The following PIGN variants were observed in gnomAD, a reference collection of about 807,000 sequenced individuals.
PIGN encodes the protein GPI ethanolamine phosphate transferase 1.
PIGN carries 117 observed loss-of-function variants against 125.4 expected under a neutral mutation model. The ratio of observed to expected loss-of-function variants is 0.93; its 90% CI spans 0.80 to 1.09. PIGN has a LOEUF of 1.09. PIGN is among the 50% of genes least tolerant of loss of function. PIGN has a pLI of 0.00. For synonymous variants in PIGN, 392 were observed against 377.8 expected (o/e 1.04, Z -0.44); for missense variants, 1,075 against 1,094.9 (o/e 0.98, Z 0.26).
chr18:62,184,256 T>C (rs74665356), intron 1 of PIGN, among the ~76,000 whole-genome samples: 10,217 of 152,262 alleles, frequency 0.067, 408 homozygotes, highest in Middle Eastern at 0.15. Context: ...ACTAAAATGA[T>C]TGACGTGCTT....
chr18:62,048,982 T>C (rs867911635), intron 30 of PIGN, among the ~76,000 whole-genome samples: 8 of 152,084 alleles, frequency 5.3e-5, no homozygotes, highest in African/African-American at 1.2e-4. Context: ...GATAGTTTAC[T>C]GAGAATGATG....
At chr18:62,094,218 C>A (rs2034085039) in intron 23 of PIGN, among the ~76,000 whole-genome samples, 1 of 152,064 alleles carries the variant, frequency 6.6e-6, no homozygotes, top group Non-Finnish European at 1.5e-5. Flanking sequence ...TTCAATTATC[C>A]TTGCTTCTTT....
intron 23 of PIGN, among the ~76,000 whole-genome samples, chr18:62,092,950 C>CAATT (rs1568166612): frequency 6.6e-6 from 1 of 152,006 alleles, no homozygotes; most frequent in East Asian, 1.9e-4. Flanking sequence ...CTCACAGTAA[C>CAATT]TTAATTGTTT....
chr18:62,088,904 G>T, intron 24 of PIGN, 62 bp from the exon 25 acceptor site: 1 of 943,246 alleles, frequency 1.1e-6, no homozygotes, highest in Non-Finnish European at 1.7e-6. Context: ...TATATTTGAA[G>T]GCAAACTTAC....
Position 62,139,050 on chromosome 18 carries a change from T to C in PIGN, c.1049A>G (p.Asn350Ser). 3 of 1,605,974 alleles carry C rather than the reference T, an allele frequency of 1.9e-6. No individual in the cohort carries two copies. Among genetic ancestry groups the C allele is most frequent in the Middle Eastern group, 3.4e-4 (2 of 5,926 alleles). The part of the protein sequence containing the change: ...SVGILPVDYL[N>S]NTDLFKAESM... ...CTCTGCTTTGAAGAGATCAGTGTTG[T>C]TAAGATAATCCACAGGAAGGATTCC... The change falls in exon 13 of 31, where the codon AAC becomes AGC. Residue 350 changes from asparagine (N) to serine (S), a missense_variant. Coordinates refer to ENST00000640252, the MANE Select transcript of PIGN (RefSeq NM_176787.5).
rs565980411 is a variant in PIGN at position 62,111,584 on chromosome 18, G to A, written c.1434+1550C>T. On this transcript the variant is annotated intron_variant, in intron 16 of 30. Transcript: ENST00000640252. ...CCTGGTAAGGTGGTTGGTTATATGT[G>A]TACATCTCTTACCTACTTTATTAAA... Among the ~76,000 whole-genome samples, 30 of 152,264 alleles carry A rather than the reference G, an allele frequency of 2.0e-4. 1 individual carries two copies. The South Asian group carries it at 6.2e-3, about 32-fold the overall frequency.
intron 25 of PIGN, among the ~76,000 whole-genome samples, chr18:62,087,340 T>C (rs1025645901): frequency 3.3e-5 from 5 of 152,158 alleles, no homozygotes; most frequent in Admixed American, 2.6e-4. Flanking sequence ...TCAGGTAAAC[T>C]GAATAGATTT....
chr18:62,180,406 A>G (rs559970417), intron 1 of PIGN, among the ~76,000 whole-genome samples: 21 of 152,306 alleles, frequency 1.4e-4, no homozygotes, highest in Middle Eastern at 3.4e-3. Flanking sequence ...CTAATAAACA[A>G]AATTTTCAAC....
At position 62,105,236 on chromosome 18, in the gene PIGN, CT is replaced by C. The variant is rs1050573132; in HGVS notation, c.1859+306del. ...AATGTTTTTTCACATGAAACTAAAA[CT>C]TTTACTGATTCCTCCAAGCATAAAA... On this transcript the variant is annotated intron_variant, in intron 20 of 30. Transcript: ENST00000640252. 5 of 183,816 alleles carry C rather than the reference CT, an allele frequency of 2.7e-5. No homozygotes were observed. In the Admixed American group the frequency reaches 3.0e-4, roughly 11 times the overall value. The allele number at this position is 183,816 out of a possible 1,614,324, so 11.4% of individuals were successfully genotyped here. A position where few individuals can be genotyped will look rare whatever the true frequency, so the allele number is the denominator to read the frequency against.
intron 30 of PIGN, among the ~76,000 whole-genome samples, chr18:62,070,746 T>A (rs942746123): frequency 6.6e-6 from 1 of 152,130 alleles, no homozygotes; most frequent in Admixed American, 6.5e-5. Context: ...GAAATTTAAA[T>A]CACAATAAAA....
intron 6 of PIGN, 100 bp downstream of exon 6, chr18:62,157,029 G>T: frequency 1.9e-6 from 1 of 538,404 alleles, no homozygotes; most frequent in East Asian, 3.1e-5. Context: ...AAAAATATGT[G>T]TAAAAATCAA....
chr18:62,066,774 C>T (rs1414440436), intron 30 of PIGN, among the ~76,000 whole-genome samples: 1 of 152,176 alleles, frequency 6.6e-6, no homozygotes, highest in African/African-American at 2.4e-5. Flanking sequence ...CCACATAATG[C>T]CTTCAAAATC....
chr18:62,112,299 T>C (rs1047817959), intron 16 of PIGN, among the ~76,000 whole-genome samples: 11 of 152,070 alleles, frequency 7.2e-5, no homozygotes, highest in Non-Finnish European at 1.3e-4. Flanking sequence ...AAATATAAAA[T>C]TGGAAAAGTT....
intron 14 of PIGN, among the ~76,000 whole-genome samples, chr18:62,133,502 T>C (rs1263421395): frequency 6.6e-6 from 1 of 152,226 alleles, no homozygotes; most frequent in Admixed American, 6.5e-5. Flanking sequence ...ATTTTAAAAT[T>C]ATGTTTTTGA....
At chr18:62,036,509 A>G (rs1273162612), downstream of PIGN, among the ~76,000 whole-genome samples, 1 of 152,114 alleles carries the variant, frequency 6.6e-6, no homozygotes, top group African/African-American at 2.4e-5. Context: ...ACACATGTGA[A>G]CCGTGGATTA....
At chr18:62,083,622 TCTTG>T (rs746331738) in intron 27 of PIGN, among the ~76,000 whole-genome samples, 262 of 152,142 alleles carry the variant, frequency 1.7e-3, no homozygotes, top group African/African-American at 3.8e-3. Flanking sequence ...TGTCTTTCTT[TCTTG>T]CTTGCTTGCT....
intron 30 of PIGN, among the ~76,000 whole-genome samples, chr18:62,056,330 C>A (rs1390523036): frequency 6.6e-6 from 1 of 151,888 alleles, no homozygotes; most frequent in Admixed American, 6.5e-5. Flanking sequence ...TCATCAGTAA[C>A]TCACAACTGT....
At chr18:62,102,051 A>T (rs1290796823) in intron 21 of PIGN, among the ~76,000 whole-genome samples, 2 of 151,712 alleles carry the variant, frequency 1.3e-5, no homozygotes, top group Non-Finnish European at 2.9e-5. Context: ...AACGTGGTGA[A>T]ACCCTGACTC....
At chr18:62,037,432 G>A (rs2030275426), downstream of PIGN, among the ~76,000 whole-genome samples, 2 of 152,348 alleles carry the variant, frequency 1.3e-5, no homozygotes, top group South Asian at 2.1e-4. Flanking sequence ...CCCCTCAGTG[G>A]GCATGGGTGG....
Sources: allele counts gnomAD v4.1 joint callset (sites outside exome capture counted in the v4.1 genomes callset), GRCh38; gene constraint gnomAD v4.1.1; transcripts MANE v1.5; gene names NCBI Gene and HGNC (gene_info 2026-07-23, HGNC 2026-07-21).